CALN1: variants seen among roughly 807,000 people sequenced by gnomAD.
CALN1 encodes the protein calneuron 1, also known as calcium-binding protein 8.
A neutral mutation model predicts 30.6 loss-of-function variants in CALN1; 17 were observed. The ratio of observed to expected loss-of-function variants is 0.56; its 90% confidence interval spans 0.38 to 0.83. The LOEUF (loss-of-function observed/expected upper bound fraction) is 0.83. CALN1 is among the 40% of genes least tolerant of loss of function. CALN1 has a pLI of 0.00. For missense variants in CALN1, 291 were observed against 354.9 expected (o/e 0.82, Z 1.45); for synonymous variants, 156 against 131.4 (o/e 1.19, Z -1.28).
chr7:72,387,519 A>G (rs143056590), intron 2 of CALN1, among the ~76,000 whole-genome samples: 4 of 152,268 alleles, frequency 2.6e-5, no homozygotes, highest in African/African-American at 9.6e-5. Flanking sequence ...GTCAACATCA[A>G]CGGTGACAGT....
At chr7:72,254,138 C>T (rs868060609) in intron 3 of CALN1, among the ~76,000 whole-genome samples, 1 of 152,066 alleles carries the variant, frequency 6.6e-6, no homozygotes, top group African/African-American at 2.4e-5. Flanking sequence ...GCAAACTAGA[C>T]CAACTACTGC....
At chr7:72,341,460 T>C (rs1406548868) in intron 2 of CALN1, among the ~76,000 whole-genome samples, 1 of 152,120 alleles carries the variant, frequency 6.6e-6, no homozygotes, top group Non-Finnish European at 1.5e-5. Context: ...GAGGCAGAGG[T>C]TGCAGTGAGC....
the CALN1 span, among the ~76,000 whole-genome samples, chr7:72,494,112 C>T: frequency 6.6e-6 from 1 of 152,016 alleles, no homozygotes; most frequent in Admixed American, 6.5e-5. Flanking sequence ...AATCGCTAAG[C>T]CCAGGGGTTC....
chr7:72,323,057 GAA>G (rs1175341621), intron 2 of CALN1, among the ~76,000 whole-genome samples: 7 of 122,064 alleles, frequency 5.7e-5, no homozygotes, highest in African/African-American at 9.1e-5. Flanking sequence ...AAACCACACA[GAA>G]AAAAAAAAAA....
intron 3 of CALN1, among the ~76,000 whole-genome samples, chr7:72,266,255 A>T (rs1796589547): frequency 6.6e-6 from 1 of 152,184 alleles, no homozygotes; most frequent in African/African-American, 2.4e-5. Context: ...TTACTAGAAG[A>T]AGTATGTTTT....
At chr7:72,263,389 ATTTTATT>A (rs1463584861) in intron 3 of CALN1, among the ~76,000 whole-genome samples, 2 of 151,932 alleles carry the variant, frequency 1.3e-5, no homozygotes, top group East Asian at 3.9e-4. Flanking sequence ...TTTTTATTTT[ATTTTATT>A]TTTTATTTTA....
At chr7:71,979,641 C>T (rs992508738) in intron 5 of CALN1, among the ~76,000 whole-genome samples, 1 of 152,088 alleles carries the variant, frequency 6.6e-6, no homozygotes, top group Non-Finnish European at 1.5e-5. Flanking sequence ...CCTAACAGGT[C>T]ATGGACCATT....
At chr7:71,804,502 T>C (rs1426198264) in intron 6 of CALN1, among the ~76,000 whole-genome samples, 1 of 152,164 alleles carries the variant, frequency 6.6e-6, no homozygotes. Flanking sequence ...AGCAGGACTC[T>C]CTTTATTTTA....
intron 2 of CALN1, among the ~76,000 whole-genome samples, chr7:72,381,725 A>G (rs1376301120): frequency 6.6e-6 from 1 of 152,146 alleles, no homozygotes; most frequent in Admixed American, 6.5e-5. Flanking sequence ...GGGGAGGGAG[A>G]GCATTAGGAC....
At chr7:72,129,015 G>A (rs1429926994) in intron 3 of CALN1, among the ~76,000 whole-genome samples, 1 of 152,076 alleles carries the variant, frequency 6.6e-6, no homozygotes, top group African/African-American at 2.4e-5. Flanking sequence ...TATATATATA[G>A]CATCAATAAG....
chr7:72,390,421 ACT>A (rs1243562245), intron 2 of CALN1, among the ~76,000 whole-genome samples: 3 of 152,178 alleles, frequency 2.0e-5, no homozygotes, highest in South Asian at 2.1e-4. Flanking sequence ...ACAGTGCAAG[ACT>A]CTGTCTAAAA....
chr7:72,259,789 C>T (rs539986240), intron 3 of CALN1, among the ~76,000 whole-genome samples: 1 of 152,324 alleles, frequency 6.6e-6, no homozygotes, highest in Admixed American at 6.5e-5. Context: ...TCAGTCTAAG[C>T]CCTTTCCTTT....
At chr7:72,142,875 G>A (rs1810058691) in intron 3 of CALN1, among the ~76,000 whole-genome samples, 1 of 152,142 alleles carries the variant, frequency 6.6e-6, no homozygotes, top group Non-Finnish European at 1.5e-5. Flanking sequence ...GGTCTGGAGT[G>A]GACCTCCAGC....
intron 1 of CALN1, among the ~76,000 whole-genome samples, chr7:72,442,180 C>CTCACCTTGA (rs1358410835): frequency 6.6e-6 from 1 of 152,138 alleles, no homozygotes; most frequent in Non-Finnish European, 1.5e-5. Flanking sequence ...ACCATCACCT[C>CTCACCTTGA]TCACCTTGAT....
intron 5 of CALN1, among the ~76,000 whole-genome samples, chr7:71,821,067 G>C (rs1310220086): frequency 6.6e-6 from 1 of 152,122 alleles, no homozygotes; most frequent in African/African-American, 2.4e-5. Flanking sequence ...GTTCCTGAGG[G>C]ACAGCCCAGT....
At chr7:71,790,383 A>AG (rs1793293971) in intron 6 of CALN1, among the ~76,000 whole-genome samples, 6 of 97,208 alleles carry the variant, frequency 6.2e-5, no homozygotes, top group South Asian at 6.6e-4. Context: ...AAAGAAAGAA[A>AG]GAAAGAAAGA....
At chr7:72,320,120 C>T (rs1016978838) in intron 2 of CALN1, among the ~76,000 whole-genome samples, 3 of 152,032 alleles carry the variant, frequency 2.0e-5, no homozygotes, top group African/African-American at 4.8e-5. Flanking sequence ...GATGACACAG[C>T]GAGACTCCAT....
intron 1 of CALN1, among the ~76,000 whole-genome samples, chr7:72,444,494 C>T (rs1342766740): frequency 6.6e-6 from 1 of 152,198 alleles, no homozygotes; most frequent in African/African-American, 2.4e-5. Context: ...TATGTGTCCA[C>T]AGACTGGTGT....
In CALN1 at chr7:72,221,858, C is replaced by A. The variant is rs142592702; in HGVS notation, c.244+56828G>T. Among the ~76,000 whole-genome samples, 140 of 151,410 alleles carry A rather than the reference C, an allele frequency of 9.2e-4. No homozygotes were observed. In the East Asian group the frequency reaches 0.027, roughly 29 times the overall value. ...GAGCTGAGATCGTGCCACTGCACTCCAGCCTGGGTGACAGAGAGAGACTCC... is the reference window on the plus strand; with the variant it reads ...GAGCTGAGATCGTGCCACTGCACTCAAGCCTGGGTGACAGAGAGAGACTCC... On this transcript the variant is annotated intron_variant, in intron 3 of 6. Coordinates refer to ENST00000395275, the MANE Select transcript of CALN1 (RefSeq NM_031468.4).
Sources: allele counts gnomAD v4.1 joint callset (sites outside exome capture counted in the v4.1 genomes callset), GRCh38; gene constraint gnomAD v4.1.1; transcripts MANE v1.5; gene names NCBI Gene and HGNC (gene_info 2026-07-23, HGNC 2026-07-21).